The following NKAPD1 variants were observed in gnomAD, a reference collection of about 807,000 sequenced individuals.
NKAPD1 encodes NKAP domain containing 1.
NKAPD1 carries 12 observed loss-of-function variants against 30.9 expected under a neutral mutation model. That is an observed-to-expected ratio of 0.39 (90% CI 0.25 to 0.63). The LOEUF (loss-of-function observed/expected upper bound fraction) is 0.63, where lower values mean the gene tolerates loss of function less well. Among genes scored for constraint, NKAPD1 ranks in the 20% least tolerant of loss-of-function variants. The pLI is 0.51. For missense variants in NKAPD1, 311 were observed against 344.5 expected, an observed-to-expected ratio of 0.90 and a Z score of 0.77; for synonymous variants, 91 against 113.6, an observed-to-expected ratio of 0.80 and a Z score of 1.26.
At chr11:112,075,827 C>G in intron 2 of NKAPD1, 184 bp downstream of exon 2, 1 of 618,370 alleles carries the variant, frequency 1.6e-6, no homozygotes, top group South Asian at 2.1e-5. Context: ...TTGATAAGTA[C>G]TGTATAACAG....
At chr11:112,081,886 T>C in intron 4 of NKAPD1, 96 bp from the exon 5 acceptor site, 1 of 916,878 alleles carries the variant, frequency 1.1e-6, no homozygotes, top group East Asian at 2.5e-5. Flanking sequence ...TGTTTATGTT[T>C]GTGTATGCAT....
Position 112,083,117 on chromosome 11 carries a change from T to A in NKAPD1, c.*145T>A. On this transcript the variant is annotated 3_prime_UTR_variant, in exon 6 of 6. Transcript: ENST00000393047. ...GTATGTTCTGACAGACGTCTTGTCT[T>A]CTATTTTGGCGTTAAGCTTGATCCC... 1.3e-6 allele frequency: 1 copy of A among 783,754 alleles called. No homozygotes were observed. Among genetic ancestry groups the A allele is most frequent in the Non-Finnish European group, 1.9e-6 (1 of 537,336 alleles). 48.5% of individuals were successfully genotyped at this position (783,754 alleles called of 1,614,324 possible).
intron 4 of NKAPD1, chr11:112,080,855 G>A (rs899600371): frequency 2.8e-6 from 1 of 354,410 alleles, no homozygotes; most frequent in South Asian, 3.0e-5. Context: ...GCCAAGTCAC[G>A]AAAGACCGCA....
intron 2 of NKAPD1, among the ~76,000 whole-genome samples, chr11:112,077,028 A>C (rs1297391442): frequency 6.6e-6 from 1 of 152,240 alleles, no homozygotes; most frequent in East Asian, 1.9e-4. Context: ...GTTGATGATA[A>C]GAGGTCATGA....
rs752203598 is a variant in NKAPD1, at chr11:112,082,830, C to A, written c.740C>A (p.Thr247Asn). ...TCTGAGGAAAGTGAGGAAAGAGACA[C>A]TAAGAAAACCAAAAGGAAAAAGAGA... is the stretch of plus-strand genomic sequence containing the variant. ...SSSEESEERDTKKTKRKKREK... is the reference protein window; with the variant it reads ...SSSEESEERDNKKTKRKKREK... The change falls in exon 6 of 6, where the codon ACT becomes AAT. Residue 247 changes from threonine (T) to asparagine (N), a missense_variant. Physicochemically the swap from Thr to Asn is moderately conservative, Grantham distance 65. Transcript: ENST00000393047. 1.2e-6 allele frequency: 2 copies of A among 1,613,822 alleles called. No individual in the cohort carries two copies. The highest frequency in any genetic ancestry group is 2.2e-5 in the South Asian group (2 of 91,066).
intron 2 of NKAPD1, 73 bp from the exon 3 acceptor site, chr11:112,078,118 ACAGGTGTGAGCCACTGTGCCCGGC>A: frequency 1.2e-6 from 1 of 851,262 alleles, no homozygotes; most frequent in South Asian, 1.7e-5. Context: ...TGCTGGGATT[ACAGGTGTGAGCCACTGTGCCCGGC>A]CAGTTAGTTA....
At chr11:112,082,200 G>A (rs1418682691) in intron 5 of NKAPD1, 165 bp downstream of exon 5, 2 of 718,396 alleles carry the variant, frequency 2.8e-6, no homozygotes, top group Non-Finnish European at 4.5e-6. Context: ...TTCTCTGGTT[G>A]ATGTTTGGCA....
chr11:112,078,926 T>A (rs1264033926), intron 3 of NKAPD1, among the ~76,000 whole-genome samples: 1 of 152,166 alleles, frequency 6.6e-6, no homozygotes, highest in East Asian at 1.9e-4. Context: ...ATAGCTTGAG[T>A]GTAAATATGA....
intron 3 of NKAPD1, among the ~76,000 whole-genome samples, chr11:112,078,969 G>A (rs949283039): frequency 6.6e-6 from 1 of 152,114 alleles, no homozygotes; most frequent in Non-Finnish European, 1.5e-5. Flanking sequence ...CTTCCTTGTG[G>A]AGAGGCCTAG....
In NKAPD1 at chr11:112,082,842, A is replaced by C; in HGVS notation, c.752A>C (p.Lys251Thr). Reference protein sequence around the residue: ...ESEERDTKKTKRKKREKKAHT... With the variant: ...ESEERDTKKTTRKKREKKAHT... ...GAGGAAAGAGACACTAAGAAAACCA[A>C]AAGGAAAAAGAGAGAGAAAAAAGCC... Residue 251 changes from lysine (K) to threonine (T), a missense_variant, in exon 6 of 6, where the codon AAA (lysine) becomes ACA (threonine). Lys to Thr is a moderately conservative substitution (Grantham distance 78). Transcript: ENST00000393047. 6.2e-7 allele frequency: 1 copy of C among 1,614,022 alleles called. No homozygotes were observed. Among genetic ancestry groups the C allele is most frequent in the Non-Finnish European group, 8.5e-7 (1 of 1,179,976 alleles).
Position 112,082,695 on chromosome 11 carries a change from A to T in NKAPD1, c.605A>T (p.Gln202Leu). 1 of 1,614,118 alleles carries T rather than the reference A, an allele frequency of 6.2e-7. No homozygotes were observed. The highest frequency in any genetic ancestry group is 8.5e-7 in the Non-Finnish European group (1 of 1,180,030). ...GCTTCTGGTACAAGGAAAGGGAAAC[A>T]ACCACATAAACGCAAGAAAAAATCC... ...TGASGTRKGK[Q>L]PHKRKKKSRK... is the part of the protein sequence containing the mutation. The change falls in exon 6 of 6, where the codon CAA becomes CTA. Residue 202 changes from glutamine to leucine, a missense_variant. Physicochemically the swap from Gln to Leu is moderately radical, Grantham distance 113. Coordinates refer to ENST00000393047, the MANE Select transcript of NKAPD1 (RefSeq NM_018195.4).
chr11:112,080,002 A>G (rs752511265), intron 3 of NKAPD1, among the ~76,000 whole-genome samples: 12 of 152,060 alleles, frequency 7.9e-5, no homozygotes, highest in Non-Finnish European at 1.3e-4. Flanking sequence ...TTTAGCAGAG[A>G]CAGGGTTTCA....
chr11:112,078,659 T>C (rs188602835), intron 3 of NKAPD1, among the ~76,000 whole-genome samples: 24 of 152,326 alleles, frequency 1.6e-4, no homozygotes, highest in Admixed American at 1.0e-3. Context: ...TCTATTAATC[T>C]TTCATTCTTT....
At position 112,074,357 on chromosome 11, in the gene NKAPD1, C is replaced by T; in HGVS notation, c.-568C>T. 2.5e-6 allele frequency: 1 copy of T among 399,238 alleles called. No individual in the cohort carries two copies. Among genetic ancestry groups the T allele is most frequent in the Non-Finnish European group, 4.4e-6 (1 of 226,246 alleles). 24.7% of individuals were successfully genotyped at this position (399,238 alleles called of 1,614,324 possible). A position where few individuals can be genotyped will look rare whatever the true frequency, so the allele number is the denominator to read the frequency against. Reference sequence around the variant, plus strand: ...CCCCGCCACGCGAGGCTGCGGCGCACGGTATGGGTGTGTTTGTGTGTATTT... The same window carrying T: ...CCCCGCCACGCGAGGCTGCGGCGCATGGTATGGGTGTGTTTGTGTGTATTT... On this transcript the variant is annotated 5_prime_UTR_variant, in exon 1 of 6. It adds an upstream start codon to the 5' untranslated region. Transcript: ENST00000393047.
chr11:112,080,807 G>A (rs139987698), intron 4 of NKAPD1: 4 of 433,722 alleles, frequency 9.2e-6, no homozygotes, highest in African/African-American at 2.0e-5. Context: ...ATGTTACAAC[G>A]TGGCCTTGAA....
intron 2 of NKAPD1, among the ~76,000 whole-genome samples, chr11:112,076,708 T>A (rs1430942683): frequency 6.6e-6 from 1 of 152,204 alleles, no homozygotes; most frequent in Admixed American, 6.5e-5. Context: ...AAGAGGGACT[T>A]GTTTTGCTAT....
At chr11:112,082,157 TG>T in intron 5 of NKAPD1, 122 bp downstream of exon 5, 1 of 851,464 alleles carries the variant, frequency 1.2e-6, no homozygotes, top group Non-Finnish European at 1.8e-6. Flanking sequence ...AAACAATAGG[TG>T]ATTTAGTTAG....
rs959796040 is a variant in NKAPD1, at chr11:112,083,532, A to G, written c.*560A>G. ...TAAGAACAAACCTTTTCCCTTCATG[A>G]TAACATCCATAGACAACTTATTAGA... On this transcript the variant is annotated 3_prime_UTR_variant, in exon 6 of 6. Coordinates refer to ENST00000393047, the MANE Select transcript of NKAPD1 (RefSeq NM_018195.4). The G allele has an allele frequency of 6.5e-6, 1 of 152,704 alleles. No homozygotes were observed. Among genetic ancestry groups the G allele is most frequent in the Non-Finnish European group, 1.5e-5 (1 of 68,096 alleles). The allele number at this position is 152,704 out of a possible 1,614,324, so 9.5% of individuals were successfully genotyped here.
At chr11:112,082,382 TTTTTTAATCTA>T in intron 5 of NKAPD1, 72 bp from the exon 6 acceptor site, 2 of 1,240,036 alleles carry the variant, frequency 1.6e-6, no homozygotes, top group Non-Finnish European at 2.2e-6. Context: ...TTAACCTCAA[TTTTTTAATCTA>T]GAATGCAAAA....
Sources: allele counts gnomAD v4.1 joint callset (sites outside exome capture counted in the v4.1 genomes callset), GRCh38; gene constraint gnomAD v4.1.1; transcripts MANE v1.5; gene names NCBI Gene and HGNC (gene_info 2026-07-23, HGNC 2026-07-21).